DACH2: variants seen among roughly 807,000 people sequenced by gnomAD.
The protein encoded by DACH2 is dachshund family transcription factor 2.
A neutral mutation model predicts 35.8 loss-of-function variants in DACH2; 17 were observed. The observed-to-expected ratio is 0.48, with a 90% confidence interval of 0.33 to 0.71. DACH2 has a LOEUF of 0.71. Ranked by LOEUF, DACH2 falls within the 30% of genes least tolerant of loss-of-function variation. DACH2 has a pLI of 0.02. For synonymous variants in DACH2, 195 were observed against 177.3 expected (o/e 1.10, Z -0.79); for missense variants, 469 against 472.7 (o/e 0.99, Z 0.07).
At chrX:86,789,541 C>A (rs1236203599) in intron 7 of DACH2, among the ~76,000 whole-genome samples, 3 of 111,146 alleles carry the variant, frequency 2.7e-5, no homozygotes. Context: ...AAAACATATC[C>A]CTGTCTTTTA....
chrX:86,570,467 C>A (rs1045005437), intron 3 of DACH2, among the ~76,000 whole-genome samples: 9 of 111,326 alleles, frequency 8.1e-5, no homozygotes, highest in African/African-American at 2.9e-4. Context: ...AGGCCATTAT[C>A]CTCTGCAAAC....
rs1166125637 is a variant in DACH2, at chrX:86,315,840, C to CAGAGAGAG, written c.489-60979_489-60972dup. On this transcript the variant is annotated intron_variant, in intron 1 of 11. Coordinates refer to ENST00000373125, the MANE Select transcript of DACH2 (RefSeq NM_053281.3). ...ACACACACACACACACACACACACA[C>CAGAGAGAG]AGAGAGAGAGAGGGAGATTGGAGCA... Among the ~76,000 whole-genome samples, 276 of 77,816 alleles carry CAGAGAGAG rather than the reference C, an allele frequency of 3.5e-3. 12 individuals are homozygous for CAGAGAGAG. The highest frequency in any genetic ancestry group is 0.01 in the African/African-American group (200 of 19,573). 67.6% of individuals were successfully genotyped at this position (77,816 alleles called of 115,157 possible). A position where few individuals can be genotyped will look rare whatever the true frequency, so the allele number is the denominator to read the frequency against.
At chrX:86,600,792 C>A (rs2039779659) in intron 3 of DACH2, among the ~76,000 whole-genome samples, 1 of 111,562 alleles carries the variant, frequency 9.0e-6, no homozygotes, top group Non-Finnish European at 1.9e-5. Flanking sequence ...GTCCTCTTTT[C>A]AGTCTTTTGG....
intron 2 of DACH2, among the ~76,000 whole-genome samples, chrX:86,402,585 A>C (rs59824877): frequency 0.011 from 1,272 of 111,979 alleles, 18 homozygotes; most frequent in African/African-American, 0.039. Flanking sequence ...TATCAGTGTC[A>C]TTAAAAGGGT....
At chrX:86,436,154 G>T (rs1048806756) in intron 2 of DACH2, among the ~76,000 whole-genome samples, 6 of 110,519 alleles carry the variant, frequency 5.4e-5, no homozygotes, top group African/African-American at 2.0e-4. Context: ...GACCTCCCCA[G>T]GACTATACCA....
intron 4 of DACH2, among the ~76,000 whole-genome samples, chrX:86,667,749 G>A (rs1692464342): frequency 8.9e-6 from 1 of 111,958 alleles, no homozygotes; most frequent in African/African-American, 3.2e-5. Context: ...TCCTTTCCCT[G>A]TAGGACCAGA....
At chrX:86,799,268 ACCCCAAACTGT>A (rs957440451) in intron 7 of DACH2, 1 of 160,316 alleles carries the variant, frequency 6.2e-6, no homozygotes, top group African/African-American at 3.1e-5. Context: ...CAACAGCCAG[ACCCCAAACTGT>A]CCCCCTTTTC....
At chrX:86,479,969 A>G (rs2148232961) in intron 2 of DACH2, among the ~76,000 whole-genome samples, 1 of 112,655 alleles carries the variant, frequency 8.9e-6, no homozygotes, top group South Asian at 3.6e-4. Context: ...TACAAAATTC[A>G]TTCCTGGTGG....
intron 2 of DACH2, among the ~76,000 whole-genome samples, chrX:86,388,795 GT>G (rs1162552673): frequency 9.0e-6 from 1 of 111,563 alleles, no homozygotes; most frequent in African/African-American, 3.3e-5. Flanking sequence ...AAATGTTTTA[GT>G]TAAAAAAACT....
At chrX:86,259,139 A>G (rs1737868959) in intron 1 of DACH2, among the ~76,000 whole-genome samples, 1 of 112,315 alleles carries the variant, frequency 8.9e-6, no homozygotes, top group African/African-American at 3.2e-5. Context: ...CTAATCTAAA[A>G]TAGTTTTAGC....
chrX:86,387,681 G>A (rs1169463038), intron 2 of DACH2, among the ~76,000 whole-genome samples: 1 of 111,693 alleles, frequency 9.0e-6, no homozygotes, highest in Non-Finnish European at 1.9e-5. Context: ...TAAAGGTCGG[G>A]ACCATCCCTT....
At chrX:86,340,458 G>C (rs1293979901) in intron 1 of DACH2, among the ~76,000 whole-genome samples, 1 of 111,017 alleles carries the variant, frequency 9.0e-6, no homozygotes. Context: ...TGTTCTCATC[G>C]CTCCACTGAT....
chrX:86,449,222 A>G (rs1393698857), intron 2 of DACH2, among the ~76,000 whole-genome samples: 2 of 64,307 alleles, frequency 3.1e-5, no homozygotes, highest in African/African-American at 1.2e-4. Context: ...CGGTCTATCA[A>G]TTTTGTTGAT....
intron 1 of DACH2, among the ~76,000 whole-genome samples, chrX:86,189,371 G>T (rs1300356925): frequency 9.0e-6 from 1 of 111,672 alleles, no homozygotes; most frequent in Non-Finnish European, 1.9e-5. Flanking sequence ...GGTGTGTTTG[G>T]GGGTGTTTGG....
At chrX:86,277,844 G>A (rs1204924493) in intron 1 of DACH2, among the ~76,000 whole-genome samples, 3 of 111,011 alleles carry the variant, frequency 2.7e-5, no homozygotes, top group Non-Finnish European at 5.7e-5. Context: ...GAAGCAAATT[G>A]GAAAGGTGAA....
At chrX:86,431,991 T>G (rs965019897) in intron 2 of DACH2, among the ~76,000 whole-genome samples, 1 of 112,161 alleles carries the variant, frequency 8.9e-6, no homozygotes, top group African/African-American at 3.2e-5. Context: ...AAAAAATGTA[T>G]TTGTTGTTTC....
intron 2 of DACH2, among the ~76,000 whole-genome samples, chrX:86,425,177 T>A (rs560017918): frequency 2.7e-5 from 3 of 111,126 alleles, no homozygotes; most frequent in African/African-American, 9.8e-5. Flanking sequence ...AGTATCAGGG[T>A]GATACTAGTC....
At chrX:86,312,598 G>T (rs147489738) in intron 1 of DACH2, among the ~76,000 whole-genome samples, 1 of 111,768 alleles carries the variant, frequency 8.9e-6, no homozygotes, top group Non-Finnish European at 1.9e-5. Flanking sequence ...CCTTAATCTG[G>T]TGTGCAGAAT....
intron 2 of DACH2, among the ~76,000 whole-genome samples, chrX:86,441,651 G>A (rs970159508): frequency 9.2e-6 from 1 of 108,473 alleles, no homozygotes; most frequent in Non-Finnish European, 1.9e-5. Flanking sequence ...ATTTCCTTTG[G>A]GTATACACCT....
Sources: allele counts gnomAD v4.1 joint callset (sites outside exome capture counted in the v4.1 genomes callset), GRCh38; gene constraint gnomAD v4.1.1; transcripts MANE v1.5; gene names NCBI Gene and HGNC (gene_info 2026-07-23, HGNC 2026-07-21).